The following GPR158 variants were observed in gnomAD, a reference collection of about 807,000 sequenced individuals.
GPR158 encodes the protein G protein-coupled receptor 158.
Under a neutral mutation model 78.2 loss-of-function variants are expected in GPR158, and 30 were observed. That is an observed-to-expected ratio of 0.38 (90% CI 0.29 to 0.52). The LOEUF (loss-of-function observed/expected upper bound fraction) is 0.52. GPR158 is among the 20% of genes least tolerant of loss of function. The pLI is 0.83. For missense variants in GPR158, 1,463 were observed against 1,523.5 expected, an observed-to-expected ratio of 0.96 and a Z score of 0.66; for synonymous variants, 581 against 591.1, an observed-to-expected ratio of 0.98 and a Z score of 0.25.
chr10:25,176,340 G>T lies in GPR158; in HGVS notation c.902+18G>T, dbSNP rs747019280. 1.3e-6 allele frequency: 2 copies of T among 1,544,460 alleles called. No homozygotes were observed. Among genetic ancestry groups the T allele is most frequent in the East Asian group, 2.3e-5 (1 of 44,206 alleles). ...GAATTCAGGTAGGGAGGGCCGGGGG[G>T]CAGGGGGGAAGGCAAAAGCGAAGCT... On this transcript the variant is annotated intron_variant, in intron 1 of 10. Transcript: ENST00000376351. This position sits in a 1 kb window ranked among gnomAD's most constrained non-coding sequence, Gnocchi z 6.3.
chr10:25,176,237 G>A lies in GPR158; in HGVS notation c.817G>A (p.Glu273Lys). Reference protein sequence around the residue: ...FKWSPPYLECENGSYKPGWLV... With the variant: ...FKWSPPYLECKNGSYKPGWLV... ...GTGGTCTCCGCCTTATCTGGAGTGCGAGAACGGGAGTTACAAGCCCGGGTG... is the reference window on the plus strand; with the variant it reads ...GTGGTCTCCGCCTTATCTGGAGTGCAAGAACGGGAGTTACAAGCCCGGGTG... Residue 273 changes from glutamate (E) to lysine (K), a missense_variant, in exon 1 of 11, where the codon GAG becomes AAG. Transcript: ENST00000376351. This position sits in a 1 kb window ranked among gnomAD's most constrained non-coding sequence, Gnocchi z 6.3. The A allele has an allele frequency of 6.2e-7, 1 of 1,607,078 alleles. No homozygotes were observed. Among genetic ancestry groups the A allele is most frequent in the African/African-American group, 1.3e-5 (1 of 75,046 alleles).
intron 2 of GPR158, among the ~76,000 whole-genome samples, chr10:25,255,650 C>T (rs1853880302): frequency 6.6e-6 from 1 of 152,152 alleles, no homozygotes; most frequent in East Asian, 1.9e-4. Context: ...TAGAGGCTGC[C>T]CTCAGGAGAT....
intron 7 of GPR158, among the ~76,000 whole-genome samples, chr10:25,574,700 C>T (rs1027203115): frequency 3.3e-5 from 5 of 152,120 alleles, no homozygotes; most frequent in Admixed American, 6.6e-5. Flanking sequence ...GCCTGACCAA[C>T]ATGGTGAAAC....
intron 1 of GPR158, among the ~76,000 whole-genome samples, chr10:25,192,110 G>C (rs967510370): frequency 6.6e-6 from 1 of 152,148 alleles, no homozygotes; most frequent in Non-Finnish European, 1.5e-5. Flanking sequence ...GAGAGACCAG[G>C]TGGAGGTAAT....
chr10:25,382,213 G>GA, intron 2 of GPR158, among the ~76,000 whole-genome samples: 1 of 152,290 alleles, frequency 6.6e-6, no homozygotes, highest in South Asian at 2.1e-4. Flanking sequence ...GGAAGGCCTA[G>GA]AAAATTGGGC....
At chr10:25,288,909 A>G (rs1854392750) in intron 2 of GPR158, among the ~76,000 whole-genome samples, 1 of 152,202 alleles carries the variant, frequency 6.6e-6, no homozygotes, top group Admixed American at 6.5e-5. Flanking sequence ...ATTTAATACA[A>G]TGCCTGTGGA....
intron 5 of GPR158, among the ~76,000 whole-genome samples, chr10:25,541,926 ATATAT>A (rs1836591992): frequency 6.8e-6 from 1 of 147,738 alleles, no homozygotes; most frequent in South Asian, 2.1e-4. Context: ...AAATTATATT[ATATAT>A]TATATTTTAT....
chr10:25,386,755 C>A (rs900635288), intron 2 of GPR158, among the ~76,000 whole-genome samples: 1 of 151,878 alleles, frequency 6.6e-6, no homozygotes, highest in Non-Finnish European at 1.5e-5. Flanking sequence ...TCTAAACTTA[C>A]TTTTGGATTA....
chr10:25,374,814 A>C (rs539735199), intron 2 of GPR158, among the ~76,000 whole-genome samples: 1 of 151,738 alleles, frequency 6.6e-6, no homozygotes, highest in East Asian at 1.9e-4. Context: ...AGCATGCTTG[A>C]TTTTTTGCAG....
rs1329094670 is a variant in GPR158, at chr10:25,347,187, G to A, written c.1009-48724G>A. ...TTCCTAGTTTGGAGACTCTAGGGGA[G>A]AAGTGGTTTCCTTGTCTGTTCTAGC... On this transcript the variant is annotated intron_variant, in intron 2 of 10. Transcript: ENST00000376351. 2.0e-5 allele frequency among the ~76,000 whole-genome samples: 3 copies of A among 152,064 alleles called. No homozygotes were observed. In the East Asian group the frequency reaches 5.9e-4, roughly 30 times the overall value.
At chr10:25,258,461 C>G (rs527422769) in intron 2 of GPR158, among the ~76,000 whole-genome samples, 1 of 152,070 alleles carries the variant, frequency 6.6e-6, no homozygotes, top group Non-Finnish European at 1.5e-5. Context: ...TTTCACAAAC[C>G]TTTTCCTTTA....
At chr10:25,222,664 A>T (rs1777004992) in intron 2 of GPR158, among the ~76,000 whole-genome samples, 1 of 152,152 alleles carries the variant, frequency 6.6e-6, no homozygotes, top group South Asian at 2.1e-4. Context: ...CCTGATTATC[A>T]TCTCTGTGCC....
chr10:25,224,849 C>T (rs1437209880), intron 2 of GPR158, among the ~76,000 whole-genome samples: 6 of 152,102 alleles, frequency 3.9e-5, no homozygotes, highest in Admixed American at 2.0e-4. Context: ...GAAACCTGGT[C>T]ATTTTAATAT....
chr10:25,351,314 T>C (rs1396604757), intron 2 of GPR158, among the ~76,000 whole-genome samples: 1 of 151,314 alleles, frequency 6.6e-6, no homozygotes, highest in Non-Finnish European at 1.5e-5. Flanking sequence ...ACTTAGGGAG[T>C]GCGGGTTAAG....
chr10:25,395,978 A>G lies in GPR158; in HGVS notation c.1076A>G (p.Tyr359Cys), dbSNP rs1834358260. 3 of 1,607,806 alleles carry G rather than the reference A, an allele frequency of 1.9e-6. No individual in the cohort carries two copies. The highest frequency in any genetic ancestry group is 2.6e-6 in the Non-Finnish European group (3 of 1,174,426). Reference protein sequence around the residue: ...AYECICKAGFYHPGVLPVNNF... With the variant: ...AYECICKAGFCHPGVLPVNNF... Reference sequence around the variant, plus strand: ...GAGTGCATTTGCAAAGCAGGATTCTATCATCCTGGAGTCTTACCAGTGAAC... The same window carrying G: ...GAGTGCATTTGCAAAGCAGGATTCTGTCATCCTGGAGTCTTACCAGTGAAC... Residue 359 changes from tyrosine (Y) to cysteine (C), a missense_variant, in exon 3 of 11, where the codon TAT (tyrosine) becomes TGT (cysteine). Transcript: ENST00000376351.
chr10:25,423,397 T>A (rs1182077381), intron 4 of GPR158, among the ~76,000 whole-genome samples: 9 of 152,056 alleles, frequency 5.9e-5, no homozygotes, highest in Admixed American at 5.9e-4. Flanking sequence ...AGTTCTTTTT[T>A]TTTTTTATAC....
At chr10:25,469,141 C>G (rs532491077) in intron 5 of GPR158, among the ~76,000 whole-genome samples, 1 of 152,274 alleles carries the variant, frequency 6.6e-6, no homozygotes, top group Non-Finnish European at 1.5e-5. Context: ...TACTTGAATG[C>G]CTCAGGACTG....
chr10:25,521,397 T>C (rs78473279), intron 5 of GPR158, among the ~76,000 whole-genome samples: 2,840 of 152,274 alleles, frequency 0.019, 89 homozygotes, highest in African/African-American at 0.065. Context: ...CCCTCCTCTA[T>C]TGTTATCTAT....
intron 2 of GPR158, among the ~76,000 whole-genome samples, chr10:25,386,314 A>C (rs1353323351): frequency 6.6e-6 from 1 of 152,186 alleles, no homozygotes; most frequent in African/African-American, 2.4e-5. Flanking sequence ...TCTTTATGCC[A>C]GTACCACACT....
Sources: allele counts gnomAD v4.1 joint callset (sites outside exome capture counted in the v4.1 genomes callset), GRCh38; gene constraint gnomAD v4.1.1; non-coding constraint Gnocchi (gnomAD v3.1); transcripts MANE v1.5; gene names NCBI Gene and HGNC (gene_info 2026-07-23, HGNC 2026-07-21).